The following BICD1 variants were observed in gnomAD, a reference collection of about 807,000 sequenced individuals.
BICD1 encodes protein bicaudal D homolog 1.
A neutral mutation model predicts 92.5 loss-of-function variants in BICD1; 35 were observed. The observed-to-expected ratio is 0.38, with a 90% CI of 0.29 to 0.50. The LOEUF is 0.50. Among genes scored for constraint, BICD1 ranks in the 20% least tolerant of loss-of-function variants. BICD1 has a pLI of 0.93. For synonymous variants in BICD1, 429 were observed against 465.1 expected (o/e 0.92, Z 1.00); for missense variants, 950 against 1,189.8 (o/e 0.80, Z 2.97).
At chr12:32,212,639 G>C (rs1284972601) in intron 1 of BICD1, among the ~76,000 whole-genome samples, 1 of 152,148 alleles carries the variant, frequency 6.6e-6, no homozygotes, top group East Asian at 1.9e-4. Context: ...GGCCAGACTG[G>C]TTTCGAACGC....
intron 2 of BICD1, among the ~76,000 whole-genome samples, chr12:32,274,981 T>C (rs149216530): frequency 6.7e-6 from 1 of 149,564 alleles, no homozygotes; most frequent in East Asian, 2.0e-4. Context: ...CTTGTAATAG[T>C]CTTGGCACAT....
At chr12:32,283,178 T>C (rs917655708) in intron 2 of BICD1, among the ~76,000 whole-genome samples, 8 of 152,280 alleles carry the variant, frequency 5.3e-5, no homozygotes, top group East Asian at 1.9e-4. Flanking sequence ...AATAACTTGC[T>C]ATACTGTGAA....
chr12:32,246,246 C>T (rs557802104), intron 2 of BICD1, among the ~76,000 whole-genome samples: 35 of 134,144 alleles, frequency 2.6e-4, no homozygotes, highest in African/African-American at 7.5e-4. Flanking sequence ...GAGGCTGAGG[C>T]GGGAGGATCA....
chr12:32,186,227 CTAGAGTGGTGTACATTCA>C (rs1944419931), intron 1 of BICD1, among the ~76,000 whole-genome samples: 1 of 152,188 alleles, frequency 6.6e-6, no homozygotes, highest in African/African-American at 2.4e-5. Context: ...TGCACATTTA[CTAGAGTGGTGTACATTCA>C]ATAGTGAGGT....
chr12:32,212,138 G>A (rs1332614526), intron 1 of BICD1, among the ~76,000 whole-genome samples: 3 of 152,160 alleles, frequency 2.0e-5, no homozygotes, highest in Non-Finnish European at 4.4e-5. Context: ...GATGCTTAGG[G>A]ACCATCTTTT....
intron 1 of BICD1, among the ~76,000 whole-genome samples, chr12:32,160,151 C>T (rs1428515189): frequency 1.3e-5 from 2 of 152,138 alleles, no homozygotes; most frequent in African/African-American, 2.4e-5. Context: ...GTAGCTGCTA[C>T]CCCTCCCACG....
chr12:32,303,181 G>A (rs963899215), intron 3 of BICD1, among the ~76,000 whole-genome samples: 4 of 151,868 alleles, frequency 2.6e-5, no homozygotes, highest in Admixed American at 6.6e-5. Flanking sequence ...GCAATTCACC[G>A]AGATTACAGG....
chr12:32,109,088 A>T (rs547540859), intron 1 of BICD1: 1 of 157,824 alleles, frequency 6.3e-6, no homozygotes, highest in East Asian at 1.8e-4. Flanking sequence ...AAGGAGATGG[A>T]CTTAATTTAA....
intron 4 of BICD1, among the ~76,000 whole-genome samples, chr12:32,325,496 A>G (rs1332271815): frequency 6.6e-6 from 1 of 152,172 alleles, no homozygotes; most frequent in Non-Finnish European, 1.5e-5. Context: ...TGTTTTAACT[A>G]AAGCATAGTA....
intron 1 of BICD1, among the ~76,000 whole-genome samples, chr12:32,175,239 C>T (rs1281149611): frequency 6.6e-6 from 1 of 150,584 alleles, no homozygotes; most frequent in Non-Finnish European, 1.5e-5. Context: ...TCTGAAAAAG[C>T]GTTTGAGAGG....
intron 1 of BICD1, among the ~76,000 whole-genome samples, chr12:32,163,242 C>T (rs1289167732): frequency 1.3e-5 from 2 of 151,954 alleles, no homozygotes; most frequent in Non-Finnish European, 2.9e-5. Context: ...TTTAATTCTT[C>T]CTGCCTTCTT....
In BICD1 at chr12:32,109,397, A is replaced by T. The variant is rs1037837589; in HGVS notation, c.213+1853A>T. 2.6e-5 allele frequency: 4 copies of T among 152,328 alleles called. No homozygotes were observed. The South Asian group carries it at 8.3e-4, about 32-fold the overall frequency. 9.4% of individuals were successfully genotyped at this position (152,328 alleles called of 1,614,324 possible). A position where few individuals can be genotyped will look rare whatever the true frequency, so the allele number is the denominator to read the frequency against. Reference sequence around the variant, plus strand: ...AATTAGGATGTATAGGAAGTGACAGATGTTAATAAAACTACCTGTATTAGT... The same window carrying T: ...AATTAGGATGTATAGGAAGTGACAGTTGTTAATAAAACTACCTGTATTAGT... On this transcript the variant is annotated intron_variant, in intron 1 of 9. Transcript: ENST00000652176.
chr12:32,142,853 GC>G (rs1176024747), intron 1 of BICD1, among the ~76,000 whole-genome samples: 1 of 152,098 alleles, frequency 6.6e-6, no homozygotes, highest in Non-Finnish European at 1.5e-5. Flanking sequence ...ATGAAATCTT[GC>G]ATGCAGCACA....
chr12:32,288,232 T>TTTTTTTTTTTTTTTTTTTTTTG (rs1565644103), intron 2 of BICD1, among the ~76,000 whole-genome samples: 1 of 112,936 alleles, frequency 8.9e-6, no homozygotes, highest in African/African-American at 3.3e-5. Context: ...AATTTTTTTT[T>TTTTTTTTTTTTTTTTTTTTTTG]TTTTTTTTTT....
At chr12:32,359,724 A>T (rs1939250032) in intron 8 of BICD1, among the ~76,000 whole-genome samples, 1 of 152,230 alleles carries the variant, frequency 6.6e-6, no homozygotes, top group African/African-American at 2.4e-5. Context: ...AGATAATAGC[A>T]GCATGTTCTA....
At chr12:32,139,584 G>A (rs1455649129) in intron 1 of BICD1, among the ~76,000 whole-genome samples, 1 of 152,184 alleles carries the variant, frequency 6.6e-6, no homozygotes, top group Non-Finnish European at 1.5e-5. Context: ...GTTTGTTTGA[G>A]ACGGAGTCTC....
chr12:32,202,351 T>G (rs1944930045), intron 1 of BICD1, among the ~76,000 whole-genome samples: 1 of 152,148 alleles, frequency 6.6e-6, no homozygotes, highest in Non-Finnish European at 1.5e-5. Context: ...CTTGCCCAAA[T>G]TACAGGGGTA....
intron 2 of BICD1, among the ~76,000 whole-genome samples, chr12:32,240,261 A>G (rs73310737): frequency 0.13 from 19,142 of 152,162 alleles, 1,991 homozygotes; most frequent in African/African-American, 0.28. Context: ...TATGAATTTT[A>G]TGGCTGAAAA....
At chr12:32,239,265 A>G (rs1178906643) in intron 2 of BICD1, among the ~76,000 whole-genome samples, 1,423 of 132,820 alleles carry the variant, frequency 0.011, 25 homozygotes, top group African/African-American at 0.029. Flanking sequence ...AAAAAAAAAA[A>G]GAAAAGAAAG....
Sources: allele counts gnomAD v4.1 joint callset (sites outside exome capture counted in the v4.1 genomes callset), GRCh38; gene constraint gnomAD v4.1.1; transcripts MANE v1.5; gene names NCBI Gene and HGNC (gene_info 2026-07-23, HGNC 2026-07-21).